MUC5AC: variants seen among roughly 807,000 people sequenced by gnomAD.
MUC5AC encodes mucin-5AC.
In MUC5AC, 158 loss-of-function variants were observed where a neutral mutation model predicts 169.7. That is an observed-to-expected ratio of 0.93 (90% CI 0.82 to 1.06). MUC5AC has a LOEUF of 1.06. Among genes scored for constraint, MUC5AC ranks in the 50% least tolerant of loss-of-function variants. The probability of loss-of-function intolerance (pLI) is 0.00; values close to 1 mark genes in which losing one functional copy is unlikely to be tolerated. For synonymous variants in MUC5AC, 1,975 were observed against 1,237.0 expected (o/e 1.60, Z -12.52); for missense variants, 4,359 against 3,089.9 (o/e 1.41, Z -9.74).
At chr11:1,200,019 G>A (rs1177614136) in intron 48 of MUC5AC, 50 bp downstream of exon 48, 1 of 694,846 alleles carries the variant, frequency 1.4e-6, no homozygotes, top group Non-Finnish European at 2.6e-6. Context: ...GTGGGGTGCA[G>A]TCAGGGCCCC....
chr11:1,194,110 G>T lies in MUC5AC; in HGVS notation c.14756G>T (p.Cys4919Phe). ...TAAGGCTGCCCCTGGGGCCTGGCAG[G>T]TGTGTGCAGCGGCTGGGGTGACCCC... ...DGCCHHYQCQ[C>F]VCSGWGDPHY... Residue 4919 changes from cysteine (C) to phenylalanine (F), a missense_variant and splice_region_variant, in exon 34 of 49, where the codon TGT becomes TTT. Transcript: ENST00000621226. 1 of 764,492 alleles carries T rather than the reference G, an allele frequency of 1.3e-6. No individual in the cohort carries two copies. The highest frequency in any genetic ancestry group is 1.3e-5 in the South Asian group (1 of 74,622). The allele number at this position is 764,492 out of a possible 1,614,324, so 47.4% of individuals were successfully genotyped here.
rs549836033 is a variant in MUC5AC at position 1,193,915 on chromosome 11, C to T, written c.14756-195C>T. Among the ~76,000 whole-genome samples the T allele has an allele frequency of 3.3e-5, 5 of 152,342 alleles. No homozygotes were observed. In the South Asian group the frequency reaches 8.3e-4, roughly 25 times the overall value. On this transcript the variant is annotated intron_variant, in intron 33 of 48. Coordinates refer to ENST00000621226, the MANE Select transcript of MUC5AC (RefSeq NM_001304359.2). ...GGAGTCTGTCCCTGCCTCGCTCCAGCCTTGTCAAGCGCCCGCTGGATGGAG... is the reference window on the plus strand; with the variant it reads ...GGAGTCTGTCCCTGCCTCGCTCCAGTCTTGTCAAGCGCCCGCTGGATGGAG...
rs749628617 is a variant in MUC5AC at position 1,192,035 on chromosome 11, G to C, written c.13890G>C (p.Leu4630=). ...SQPVTSDCHP[L]CAWTKWFDVD... ...CAGTCACCAGTGACTGTCATCCTCT[G>C]TGCGCCTGGACAAAGTGGTTCGACG... Residue 4630 remains leucine, a synonymous_variant, in exon 31 of 49, where the codon CTG becomes CTC. Transcript: ENST00000621226. 2 of 765,150 alleles carry C rather than the reference G, an allele frequency of 2.6e-6. No homozygotes were observed. Among genetic ancestry groups the C allele is most frequent in the South Asian group, 2.7e-5 (2 of 74,628 alleles). The allele number at this position is 765,150 out of a possible 1,614,324, so 47.4% of individuals were successfully genotyped here. A position where few individuals can be genotyped will look rare whatever the true frequency, so the allele number is the denominator to read the frequency against.
Position 1,184,022 on chromosome 11 carries a change from G to A in MUC5AC, c.5877G>A (p.Glu1959=), listed in dbSNP as rs1204592722. ...SCLQELCTWT[E]WIDGSYPAPG... ...TGCAGGAGCTTTGCACCTGGACCGA[G>A]TGGATTGATGGCAGCTACCCTGCTC... Residue 1959 remains glutamate (E), a synonymous_variant, in exon 31 of 49, where the codon GAG becomes GAA. Coordinates refer to ENST00000621226, the MANE Select transcript of MUC5AC (RefSeq NM_001304359.2). 46 of 393,188 alleles carry A rather than the reference G, an allele frequency of 1.2e-4. No homozygotes were observed. The highest frequency in any genetic ancestry group is 8.6e-4 in the African/African-American group (37 of 42,798). 24.4% of individuals were successfully genotyped at this position (393,188 alleles called of 1,614,324 possible).
chr11:1,186,276 GCTCCCACAACAAGCACAA>G lies in MUC5AC; in HGVS notation c.8133_8150del (p.Pro2712_Thr2717del). 1 of 737,146 alleles carries G rather than the reference GCTCCCACAACAAGCACAA, an allele frequency of 1.4e-6. No individual in the cohort carries two copies. The highest frequency in any genetic ancestry group is 1.7e-5 in the African/African-American group (1 of 57,992). The allele number at this position is 737,146 out of a possible 1,614,324, so 45.7% of individuals were successfully genotyped here. ...TGTTCCCACCACCAGCACAACCTCTGCTCCCACAACAAGCACAACCTCTGCCCCTACAACCAGCACAAT... is the reference window on the plus strand; with the variant it reads ...TGTTCCCACCACCAGCACAACCTCTGCCTCTGCCCCTACAACCAGCACAAT... On this transcript the variant is annotated inframe_deletion, in exon 31 of 49. Transcript: ENST00000621226.
At position 1,176,554 on chromosome 11, in the gene MUC5AC, G is replaced by A; in HGVS notation, c.2543G>A (p.Gly848Glu). The change falls in exon 21 of 49, where the codon GGG (glycine) becomes GAG (glutamate). Residue 848 changes from glycine to glutamate, a missense_variant. Gly to Glu is a moderately conservative substitution (Grantham distance 98). Transcript: ENST00000621226. ...QCVPGCVCPD[G>E]LVADGEGGCI... ...GTGCCTGGCTGCGTGTGCCCCGACG[G>A]GCTGGTGGCGGACGGCGAGGGCGGC... The A allele has an allele frequency of 2.5e-6, 1 of 399,924 alleles. No individual in the cohort carries two copies. The highest frequency in any genetic ancestry group is 4.4e-6 in the Non-Finnish European group (1 of 227,056). 24.8% of individuals were successfully genotyped at this position (399,924 alleles called of 1,614,324 possible). A position where few individuals can be genotyped will look rare whatever the true frequency, so the allele number is the denominator to read the frequency against.
chr11:1,193,332 G>T (rs1861172225), intron 32 of MUC5AC, among the ~76,000 whole-genome samples, 153 bp from the exon 33 acceptor site: 1 of 152,240 alleles, frequency 6.6e-6, no homozygotes, highest in Non-Finnish European at 1.5e-5. Context: ...TCGGTGTCTG[G>T]GGTGGGTGCT....
Position 1,164,285 on chromosome 11 carries a change from G to A in MUC5AC, c.969G>A (p.Gly323=), listed in dbSNP as rs776611292. The change falls in exon 8 of 49, where the codon GGG becomes GGA. Residue 323 remains glycine, a synonymous_variant. Transcript: ENST00000621226. ...EYSRQCTHAG[G]LPQDWRGPDF... ...CCCGGCAGTGCACCCATGCAGGGGG[G>A]TTGCCCCAGGACTGGCGGGGCCCTG... 1.4e-5 allele frequency: 23 copies of A among 1,612,396 alleles called. No individual in the cohort carries two copies. The highest frequency in any genetic ancestry group is 1.9e-5 in the Non-Finnish European group (23 of 1,179,872).
At chr11:1,173,345 C>CACA (rs2133739482) in intron 16 of MUC5AC, among the ~76,000 whole-genome samples, 1 of 122,538 alleles carries the variant, frequency 8.2e-6, no homozygotes, top group African/African-American at 3.1e-5. Flanking sequence ...ATCCACTCAC[C>CACA]CACTCACTCA....
Position 1,181,260 on chromosome 11 carries a change from C to A in MUC5AC, c.3821-11C>A, listed in dbSNP as rs878929539. The A allele has an allele frequency of 2.5e-6, 1 of 398,162 alleles. No homozygotes were observed. The highest frequency in any genetic ancestry group is 4.4e-6 in the Non-Finnish European group (1 of 225,978). The allele number at this position is 398,162 out of a possible 1,614,324, so 24.7% of individuals were successfully genotyped here. ...CAGCCTCTGACGGGCCTGGGCCCTC[C>A]GTCCCCATAGCCTGTGTCTGCACCT... On this transcript the variant is annotated splice_polypyrimidine_tract_variant and intron_variant, in intron 29 of 48. Coordinates refer to ENST00000621226, the MANE Select transcript of MUC5AC (RefSeq NM_001304359.2).
intron 1 of MUC5AC, among the ~76,000 whole-genome samples, 159 bp downstream of exon 1, chr11:1,158,231 CA>C (rs1590130228): frequency 1.3e-5 from 2 of 152,364 alleles, no homozygotes; most frequent in East Asian, 3.9e-4. Flanking sequence ...CACGAACGAG[CA>C]GTTTCCCCTT....
At chr11:1,162,682 C>T (rs1225930789) in intron 5 of MUC5AC, 36 bp downstream of exon 5, 1 of 1,589,398 alleles carries the variant, frequency 6.3e-7, no homozygotes, top group East Asian at 2.2e-5. Flanking sequence ...TGTGCAACTC[C>T]AGCCCTCGAG....
In MUC5AC at chr11:1,176,563, C is replaced by T. The variant is rs1198968252; in HGVS notation, c.2552C>T (p.Ala851Val). 3.5e-5 allele frequency: 14 copies of T among 399,878 alleles called. No individual in the cohort carries two copies. The Admixed American group carries it at 4.4e-4, about 13-fold the overall frequency. The allele number at this position is 399,878 out of a possible 1,614,324, so 24.8% of individuals were successfully genotyped here. The change falls in exon 21 of 49, where the codon GCG (alanine) becomes GTG (valine). Residue 851 changes from alanine (A) to valine (V), a missense_variant. Ala to Val is a moderately conservative substitution (Grantham distance 64). Transcript: ENST00000621226. ...TGCGTGTGCCCCGACGGGCTGGTGG[C>T]GGACGGCGAGGGCGGCTGCATCACT... The part of the protein sequence containing the change: ...PGCVCPDGLV[A>V]DGEGGCITAE...
At chr11:1,167,236 T>C (rs1860360580) in intron 11 of MUC5AC, among the ~76,000 whole-genome samples, 1 of 147,952 alleles carries the variant, frequency 6.8e-6, no homozygotes, top group Non-Finnish European at 1.5e-5. Flanking sequence ...GATGAGACCC[T>C]GCACCCAACA....
Position 1,165,525 on chromosome 11 carries a change from G to A in MUC5AC, c.1248-97G>A, listed in dbSNP as rs1023048779. ...CTCCCTCGTCTGGGCTACGGTGTAG[G>A]CAGGCCTGGGGTGAGACCCGGTCAG... On this transcript the variant is annotated intron_variant, in intron 10 of 48. Transcript: ENST00000621226. The A allele has an allele frequency of 5.7e-6, 9 of 1,585,718 alleles. No individual in the cohort carries two copies. In the Admixed American group the frequency reaches 1.4e-4, roughly 24 times the overall value.
chr11:1,162,532 G>T lies in MUC5AC; in HGVS notation c.474G>T (p.Pro158=). The T allele has an allele frequency of 6.2e-7, 1 of 1,612,196 alleles. No homozygotes were observed. The highest frequency in any genetic ancestry group is 8.5e-7 in the Non-Finnish European group (1 of 1,179,596). The change falls in exon 5 of 49, where the codon CCG becomes CCT. Residue 158 remains proline, a splice_region_variant and synonymous_variant. Coordinates refer to ENST00000621226, the MANE Select transcript of MUC5AC (RefSeq NM_001304359.2). The part of the protein sequence containing the change: ...TKGSVLVNGH[P]VLLPFSQSGV... The stretch of plus-strand genomic sequence containing the variant: ...CCCTCAGCCCTGCCTTCCTCCACAG[G>T]GTCCTGCTGCCCTTCAGCCAGTCTG...
intron 2 of MUC5AC, among the ~76,000 whole-genome samples, chr11:1,160,966 C>T (rs892624504): frequency 3.3e-5 from 5 of 152,360 alleles, no homozygotes; most frequent in Admixed American, 2.0e-4. Flanking sequence ...GCCGGTCACC[C>T]TCCGGGGATC....
At position 1,176,170 on chromosome 11, in the gene MUC5AC, G is replaced by C; in HGVS notation, c.2421G>C (p.Val807=). The change falls in exon 20 of 49, where the codon GTG becomes GTC. Residue 807 remains valine (V), a synonymous_variant. Transcript: ENST00000621226. ...CCCCAGTGTGTGCTGCGCCCATGGT[G>C]TTCTTTGACTGCCGAAATGCCACGC... ...APAPVCAAPM[V]FFDCRNATPG... is the part of the protein sequence containing the mutation. The C allele has an allele frequency of 2.5e-6, 1 of 398,730 alleles. No individual in the cohort carries two copies. The highest frequency in any genetic ancestry group is 4.4e-6 in the Non-Finnish European group (1 of 226,122). The allele number at this position is 398,730 out of a possible 1,614,324, so 24.7% of individuals were successfully genotyped here.
chr11:1,192,039 G>A lies in MUC5AC; in HGVS notation c.13894G>A (p.Ala4632Thr), dbSNP rs72846341. ...PVTSDCHPLC[A>T]WTKWFDVDFP... ...CACCAGTGACTGTCATCCTCTGTGC[G>A]CCTGGACAAAGTGGTTCGACGTGGA... The change falls in exon 31 of 49, where the codon GCC becomes ACC. Residue 4632 changes from alanine (A) to threonine (T), a missense_variant. Transcript: ENST00000621226. 1.3e-5 allele frequency: 10 copies of A among 765,002 alleles called. No individual in the cohort carries two copies. The highest frequency in any genetic ancestry group is 2.2e-4 in the Middle Eastern group (1 of 4,462). 47.4% of individuals were successfully genotyped at this position (765,002 alleles called of 1,614,324 possible).
Sources: gnomAD v4.1 joint callset for allele counts (sites outside exome capture counted in the v4.1 genomes callset) on GRCh38, gnomAD v4.1.1 for gene constraint, MANE v1.5 for transcripts, NCBI Gene and HGNC (gene_info 2026-07-23, HGNC 2026-07-21) for gene names.